The following FOXN3 variants were observed in gnomAD, a reference collection of about 807,000 sequenced individuals.
FOXN3 encodes the protein forkhead box N3, also known as forkhead box protein N3.
In FOXN3, 7 loss-of-function variants were observed where a neutral mutation model predicts 38.4. The observed-to-expected ratio is 0.18, with a 90% CI of 0.10 to 0.34. FOXN3 has a LOEUF of 0.34. Ranked by LOEUF, FOXN3 falls within the 10% of genes least tolerant of loss-of-function variation. The pLI is 1.00. For missense variants in FOXN3, 456 were observed against 613.4 expected (o/e 0.74, Z 2.71); for synonymous variants, 230 against 242.2 (o/e 0.95, Z 0.47).
At chr14:89,316,522 CTT>C (rs11337389) in intron 3 of FOXN3, among the ~76,000 whole-genome samples, 3,962 of 143,626 alleles carry the variant, frequency 0.028, 79 homozygotes, top group African/African-American at 0.063. Context: ...TGTCCAACTA[CTT>C]TTTTTTTTTT....
At chr14:89,462,311 CA>C (rs1892863932) in intron 1 of FOXN3, among the ~76,000 whole-genome samples, 1 of 152,206 alleles carries the variant, frequency 6.6e-6, no homozygotes, top group African/African-American at 2.4e-5. Flanking sequence ...CTAATACTGT[CA>C]AAAGCCACCT....
Position 89,317,428 on chromosome 14 carries a change from G to T in FOXN3, c.680+33244C>A, listed in dbSNP as rs116618087. ...TCCTTCTACCTCTGAGAGCCAGGAA[G>T]AAATCTAGACACCCTGGAGGGAATC... On this transcript the variant is annotated intron_variant, in intron 3 of 5. Coordinates refer to ENST00000557258, the MANE Select transcript of FOXN3 (RefSeq NM_005197.4). Among the ~76,000 whole-genome samples, 524 of 152,280 alleles carry T rather than the reference G, an allele frequency of 3.4e-3. 3 individuals carry two copies. The highest frequency in any genetic ancestry group is 0.012 in the African/African-American group (512 of 41,554).
At chr14:89,523,123 T>A (rs1307487855) in intron 1 of FOXN3, among the ~76,000 whole-genome samples, 1 of 152,162 alleles carries the variant, frequency 6.6e-6, no homozygotes, top group African/African-American at 2.4e-5. Context: ...GTAAAGGGGA[T>A]AATTCCATAA....
At chr14:89,516,559 GTTT>G (rs546187742) in intron 1 of FOXN3, among the ~76,000 whole-genome samples, 55,075 of 129,240 alleles carry the variant, frequency 0.43, 10,812 homozygotes, top group Admixed American at 0.49. Flanking sequence ...GCTGCCAGTA[GTTT>G]TTTTTTTTTT....
chr14:89,326,678 T>C (rs1265903289), intron 3 of FOXN3, among the ~76,000 whole-genome samples: 1 of 152,152 alleles, frequency 6.6e-6, no homozygotes, highest in Admixed American at 6.5e-5. Flanking sequence ...GTGTACATAA[T>C]GGCCAGAAAT....
intron 3 of FOXN3, among the ~76,000 whole-genome samples, chr14:89,341,464 T>C (rs551212289): frequency 1.3e-5 from 2 of 152,270 alleles, no homozygotes; most frequent in East Asian, 1.9e-4. Context: ...CAATCCCCCA[T>C]TCTATGTTCT....
intron 1 of FOXN3, among the ~76,000 whole-genome samples, chr14:89,443,393 G>C (rs922855706): frequency 6.6e-6 from 1 of 152,194 alleles, no homozygotes; most frequent in Non-Finnish European, 1.5e-5. Flanking sequence ...CACTGAGCTG[G>C]TTGTAGCCCT....
intron 2 of FOXN3, chr14:89,401,740 C>A: frequency 2.2e-6 from 1 of 445,886 alleles, no homozygotes. Flanking sequence ...TTAGTTAAAT[C>A]ACTTATCGGT....
chr14:89,488,616 C>G (rs1893502102), intron 1 of FOXN3, among the ~76,000 whole-genome samples: 2 of 146,540 alleles, frequency 1.4e-5, no homozygotes, highest in Non-Finnish European at 1.5e-5. Flanking sequence ...GGTGCCATTG[C>G]CCCATCTCAA....
chr14:89,550,860 A>AT (rs1894990213), intron 1 of FOXN3, among the ~76,000 whole-genome samples: 1 of 152,198 alleles, frequency 6.6e-6, no homozygotes, highest in Non-Finnish European at 1.5e-5. Context: ...ACACAATGCA[A>AT]TCATTGTAAG....
intron 3 of FOXN3, among the ~76,000 whole-genome samples, chr14:89,321,526 G>A (rs758368358): frequency 2.0e-5 from 3 of 152,126 alleles, no homozygotes; most frequent in African/African-American, 4.8e-5. Flanking sequence ...GCAGTGAGCC[G>A]AGATTGAGCC....
intron 4 of FOXN3, among the ~76,000 whole-genome samples, chr14:89,197,633 A>G (rs981382396): frequency 2.1e-4 from 32 of 152,206 alleles, no homozygotes; most frequent in African/African-American, 7.5e-4. Flanking sequence ...GGCTTGTCCA[A>G]TCTGCTCCTG....
Position 89,558,273 on chromosome 14 carries a change from G to A in FOXN3, c.-15+60755C>T, listed in dbSNP as rs185153255. ...AAGGTAGGGTAGCAAAAATACAAGT[G>A]GTAGTGCAGGCAAAACGTAGTATGA... is the stretch of plus-strand genomic sequence containing the variant. On this transcript the variant is annotated intron_variant, in intron 1 of 6. Transcript: ENST00000345097. 1.6e-3 allele frequency among the ~76,000 whole-genome samples: 239 copies of A among 152,192 alleles called. 4 individuals carry two copies. Among genetic ancestry groups the A allele is most frequent in the Non-Finnish European group, 1.2e-4 (8 of 68,006 alleles).
At chr14:89,224,101 T>A (rs570405090) in intron 4 of FOXN3, among the ~76,000 whole-genome samples, 15 of 152,016 alleles carry the variant, frequency 9.9e-5, no homozygotes, top group Admixed American at 9.2e-4. Context: ...AGTAAGGTCA[T>A]ATATACTATA....
chr14:89,162,608 C>T lies in FOXN3; in HGVS notation c.1213G>A (p.Ala405Thr), dbSNP rs1439729126. 3.1e-6 allele frequency: 5 copies of T among 1,613,626 alleles called. No homozygotes were observed. Among genetic ancestry groups the T allele is most frequent in the Non-Finnish European group, 4.2e-6 (5 of 1,179,964 alleles). Reference sequence around the variant, plus strand: ...AGTGTGTCGCTGGGGACCTTCCTGGCCTTGGCGAAGTGCTGGCGCTTCTTG... The same window carrying T: ...AGTGTGTCGCTGGGGACCTTCCTGGTCTTGGCGAAGTGCTGGCGCTTCTTG... Reference protein sequence around the residue: ...QHKKRQHFAKARKVPSDTLPL... With the variant: ...QHKKRQHFAKTRKVPSDTLPL... The change falls in exon 6 of 6, where the codon GCC becomes ACC. Residue 405 changes from alanine (A) to threonine (T), a missense_variant. Ala to Thr is a moderately conservative substitution (Grantham distance 58). Transcript: ENST00000557258. This position sits in a 1 kb window ranked among gnomAD's most constrained non-coding sequence, Gnocchi z 7.2.
At chr14:89,512,050 T>C (rs971101255) in intron 1 of FOXN3, among the ~76,000 whole-genome samples, 1 of 152,110 alleles carries the variant, frequency 6.6e-6, no homozygotes, top group Non-Finnish European at 1.5e-5. Flanking sequence ...GGCCAAACCA[T>C]AAGTACAGAC....
In FOXN3 at chr14:89,417,122, C is replaced by A. The variant is rs1172562812; in HGVS notation, c.-266G>T. ...CCGCGCGTCCTCCCGCCGGCCCCGC[C>A]GCTCTCCCCGCCCCGTCCCGCCTCC... On this transcript the variant is annotated 5_prime_UTR_variant, in exon 1 of 6. Transcript: ENST00000557258. The A allele has an allele frequency of 7.6e-5, 11 of 144,054 alleles. No homozygotes were observed. The highest frequency in any genetic ancestry group is 1.2e-4 in the Non-Finnish European group (8 of 65,050). 8.9% of individuals were successfully genotyped at this position (144,054 alleles called of 1,614,324 possible). A position where few individuals can be genotyped will look rare whatever the true frequency, so the allele number is the denominator to read the frequency against.
intron 1 of FOXN3, among the ~76,000 whole-genome samples, chr14:89,496,041 C>T (rs527898385): frequency 1.3e-5 from 2 of 152,166 alleles, no homozygotes; most frequent in East Asian, 1.9e-4. Flanking sequence ...GGTAAAATCC[C>T]GTCTCTACTA....
At chr14:89,242,239 G>A (rs530477332) in intron 4 of FOXN3, among the ~76,000 whole-genome samples, 62 of 152,170 alleles carry the variant, frequency 4.1e-4, no homozygotes, top group East Asian at 7.7e-4. Flanking sequence ...CTTGATGACC[G>A]CCAGCTATTA....
Sources: gnomAD v4.1 joint callset for allele counts (sites outside exome capture counted in the v4.1 genomes callset) on GRCh38, gnomAD v4.1.1 for gene constraint, Gnocchi (gnomAD v3.1) non-coding constraint, MANE v1.5 for transcripts, NCBI Gene and HGNC (gene_info 2026-07-23, HGNC 2026-07-21) for gene names.